The following ARIH1 variants were observed in gnomAD, a reference collection of about 807,000 sequenced individuals.
The protein encoded by ARIH1 is ariadne RBR E3 ubiquitin protein ligase 1.
A neutral mutation model predicts 85.0 loss-of-function variants in ARIH1; 8 were observed. The observed-to-expected ratio is 0.09, with a 90% confidence interval of 0.06 to 0.17. The LOEUF (loss-of-function observed/expected upper bound fraction) is 0.17. ARIH1 is among the 10% of genes least tolerant of loss of function. The probability of loss-of-function intolerance (pLI) is 1.00; values close to 1 mark genes in which losing one functional copy is unlikely to be tolerated. For synonymous variants in ARIH1, 238 were observed against 253.6 expected, an observed-to-expected ratio of 0.94 and a Z score of 0.59; for missense variants, 311 against 718.1, an observed-to-expected ratio of 0.43 and a Z score of 6.48.
rs538219548 is a variant in ARIH1, at chr15:72,525,927, C to T, written c.443+7793C>T. On this transcript the variant is annotated intron_variant, in intron 2 of 13. Coordinates refer to ENST00000379887, the MANE Select transcript of ARIH1 (RefSeq NM_005744.5). ...AAGTGCTGGGATTGCAAGCGTGAGCCACCACGTTCAATCTCCACATTTTTT... is the reference window on the plus strand; with the variant it reads ...AAGTGCTGGGATTGCAAGCGTGAGCTACCACGTTCAATCTCCACATTTTTT... Among the ~76,000 whole-genome samples, 183 of 152,182 alleles carry T rather than the reference C, an allele frequency of 1.2e-3. 1 individual carries two copies. Among genetic ancestry groups the T allele is most frequent in the African/African-American group, 4.2e-3 (173 of 41,508 alleles).
intron 10 of ARIH1, 67 bp from the exon 11 acceptor site, chr15:72,572,041 T>C (rs923503679): frequency 1.3e-5 from 15 of 1,178,612 alleles, no homozygotes; most frequent in Non-Finnish European, 1.8e-5. Context: ...GTTAAAATTC[T>C]GATTTTTTTT....
intron 1 of ARIH1, among the ~76,000 whole-genome samples, chr15:72,517,027 A>G (rs117044279): frequency 0.041 from 6,286 of 152,288 alleles, 224 homozygotes; most frequent in Non-Finnish European, 0.061. Context: ...TTTGTGCACA[A>G]ATAGTGAGCT....
rs373884285 is a variant in ARIH1 at position 72,532,411 on chromosome 15, A to G, written c.444-12409A>G. 4.5e-3 allele frequency among the ~76,000 whole-genome samples: 687 copies of G among 152,300 alleles called. 3 individuals carry two copies. Among genetic ancestry groups the G allele is most frequent in the Non-Finnish European group, 7.1e-3 (486 of 68,016 alleles). On this transcript the variant is annotated intron_variant, in intron 2 of 13. Coordinates refer to ENST00000379887, the MANE Select transcript of ARIH1 (RefSeq NM_005744.5). Reference sequence around the variant, plus strand: ...TAGTAAACCTGTATCCTTATTAAGTATAAAGAAATGAAATCCATAATTTAA... The same window carrying G: ...TAGTAAACCTGTATCCTTATTAAGTGTAAAGAAATGAAATCCATAATTTAA...
intron 2 of ARIH1, among the ~76,000 whole-genome samples, chr15:72,524,071 T>TG (rs2064014423): frequency 6.7e-6 from 1 of 149,378 alleles, no homozygotes; most frequent in Admixed American, 6.7e-5. Context: ...CTCAGCCTCC[T>TG]GAGTAGCTGG....
At chr15:72,486,409 C>A (rs544951059) in intron 1 of ARIH1, among the ~76,000 whole-genome samples, 16 of 152,246 alleles carry the variant, frequency 1.1e-4, no homozygotes, top group Admixed American at 4.6e-4. Flanking sequence ...GGTCACTTCA[C>A]TGTTACCAGA....
rs1288605337 is a variant in ARIH1 at position 72,590,165 on chromosome 15, GCT to G, written c.*6877_*6878del. On this transcript the variant is annotated 3_prime_UTR_variant, in exon 14 of 14. Transcript: ENST00000379887. ...CAAAAGGTCTGTTGGTTTGTCTGAA[GCT>G]CTCAACCTTGATTCTGCATAGACTC... 1.3e-5 allele frequency: 2 copies of G among 152,214 alleles called. No individual in the cohort carries two copies. Among genetic ancestry groups the G allele is most frequent in the Non-Finnish European group, 2.9e-5 (2 of 68,084 alleles). 9.4% of individuals were successfully genotyped at this position (152,214 alleles called of 1,614,324 possible).
intron 11 of ARIH1, among the ~76,000 whole-genome samples, chr15:72,573,548 C>CTAAA (rs563388781): frequency 7.9e-4 from 119 of 151,578 alleles, no homozygotes; most frequent in South Asian, 1.7e-3. Context: ...GACTCTGTCG[C>CTAAA]TAAATAAATA....
rs182856355 is a variant in ARIH1, at chr15:72,590,997, G to T, written c.*7705G>T. The T allele has an allele frequency of 1.3e-5, 2 of 152,218 alleles. No individual in the cohort carries two copies. The highest frequency in any genetic ancestry group is 3.9e-4 in the East Asian group (2 of 5,186). 9.4% of individuals were successfully genotyped at this position (152,218 alleles called of 1,614,324 possible). ...CCAGCACTTTAGGAGGCTGAGGCAG[G>T]TGGATCACGAGGTCGGGAGTTCGAG... On this transcript the variant is annotated 3_prime_UTR_variant, in exon 14 of 14. Coordinates refer to ENST00000379887, the MANE Select transcript of ARIH1 (RefSeq NM_005744.5).
At chr15:72,512,699 A>T (rs568127552) in intron 1 of ARIH1, among the ~76,000 whole-genome samples, 1 of 150,562 alleles carries the variant, frequency 6.6e-6, no homozygotes, top group Non-Finnish European at 1.5e-5. Flanking sequence ...CACAACTTTG[A>T]TATGTTGTAT....
At chr15:72,505,205 A>G (rs2140403645) in intron 1 of ARIH1, among the ~76,000 whole-genome samples, 1 of 152,344 alleles carries the variant, frequency 6.6e-6, no homozygotes, top group African/African-American at 2.4e-5. Context: ...CATTTCTCAC[A>G]AACTCAGGTG....
intron 11 of ARIH1, among the ~76,000 whole-genome samples, chr15:72,580,381 G>A (rs753866665): frequency 1.3e-5 from 2 of 152,152 alleles, no homozygotes; most frequent in African/African-American, 2.4e-5. Context: ...GAATAATGCT[G>A]TAGTGAATGT....
At chr15:72,522,411 C>T (rs1472932986) in intron 2 of ARIH1, among the ~76,000 whole-genome samples, 7 of 152,034 alleles carry the variant, frequency 4.6e-5, no homozygotes, top group East Asian at 1.9e-4. Flanking sequence ...CTATGCAGGA[C>T]GTGGAAGCTG....
rs1218744340 is a variant in ARIH1, at chr15:72,594,759, G to T, written c.*11467G>T. The T allele has an allele frequency of 1.4e-5, 2 of 145,984 alleles. No homozygotes were observed. The highest frequency in any genetic ancestry group is 4.1e-4 in the East Asian group (2 of 4,924). The allele number at this position is 145,984 out of a possible 1,614,324, so 9.0% of individuals were successfully genotyped here. A position where few individuals can be genotyped will look rare whatever the true frequency, so the allele number is the denominator to read the frequency against. ...TTATATTAAATAGATACACAACAGT[G>T]TAGTCTGCAAATAATGTTTTTACTT... On this transcript the variant is annotated 3_prime_UTR_variant, in exon 14 of 14. Transcript: ENST00000379887.
intron 2 of ARIH1, among the ~76,000 whole-genome samples, chr15:72,526,771 A>T (rs977197535): frequency 6.6e-6 from 1 of 152,090 alleles, no homozygotes; most frequent in Non-Finnish European, 1.5e-5. Flanking sequence ...CTGGTGGAGA[A>T]AGGACACCTT....
At position 72,555,817 on chromosome 15, in the gene ARIH1, T is replaced by C. The variant is rs193267763; in HGVS notation, c.682-35T>C. The C allele has an allele frequency of 4.9e-5, 78 of 1,585,920 alleles. No homozygotes were observed. In the African/African-American group the frequency reaches 1.0e-3, roughly 21 times the overall value. On this transcript the variant is annotated intron_variant, in intron 4 of 13. Transcript: ENST00000379887. Reference sequence around the variant, plus strand: ...TGGTAAGCATTCATTAAATATTTGTTGAATGAAGACAGTTTAAATTTCAAT... The same window carrying C: ...TGGTAAGCATTCATTAAATATTTGTCGAATGAAGACAGTTTAAATTTCAAT...
Position 72,600,873 on chromosome 15 carries a change from A to G in ARIH1, c.*17581A>G, listed in dbSNP as rs1874357641. 1 of 152,224 alleles carries G rather than the reference A, an allele frequency of 6.6e-6. No individual in the cohort carries two copies. The highest frequency in any genetic ancestry group is 6.5e-5 in the Admixed American group (1 of 15,280). The allele number at this position is 152,224 out of a possible 1,614,324, so 9.4% of individuals were successfully genotyped here. A position where few individuals can be genotyped will look rare whatever the true frequency, so the allele number is the denominator to read the frequency against. ...TTGAAACATTATAGCAATGGCTTCT[A>G]GTTATTGAATAAAGAATGTCATTTG... is the stretch of plus-strand genomic sequence containing the variant. On this transcript the variant is annotated 3_prime_UTR_variant, in exon 14 of 14. Coordinates refer to ENST00000379887, the MANE Select transcript of ARIH1 (RefSeq NM_005744.5).
intron 2 of ARIH1, among the ~76,000 whole-genome samples, chr15:72,540,126 C>T (rs1013027419): frequency 5.3e-5 from 8 of 151,798 alleles, no homozygotes; most frequent in South Asian, 4.2e-4. Context: ...GGCGTGGTGG[C>T]AGGCGCCTGT....
chr15:72,484,431 C>T (rs2140392512), intron 1 of ARIH1, among the ~76,000 whole-genome samples: 1 of 151,474 alleles, frequency 6.6e-6, no homozygotes, highest in South Asian at 2.1e-4. Flanking sequence ...CACCTTTTTC[C>T]CCCGAGTCCC....
rs150165121 is a variant in ARIH1, at chr15:72,519,475, G to GTTT, written c.443+1364_443+1366dup. On this transcript the variant is annotated intron_variant, in intron 2 of 13. Transcript: ENST00000379887. The stretch of plus-strand genomic sequence containing the variant: ...TATGCATTCTGACCATGTTTTTTTT[G>GTTT]TTTTTTTTTTTTTTTTTTTTTTTTT... 1.5e-3 allele frequency among the ~76,000 whole-genome samples: 95 copies of GTTT among 62,566 alleles called. 1 individual carries two copies. The highest frequency in any genetic ancestry group is 5.3e-3 in the African/African-American group (82 of 15,410). 41.0% of individuals were successfully genotyped at this position (62,566 alleles called of 152,430 possible). A position where few individuals can be genotyped will look rare whatever the true frequency, so the allele number is the denominator to read the frequency against.
Sources: gnomAD v4.1 joint callset for allele counts (sites outside exome capture counted in the v4.1 genomes callset) on GRCh38, gnomAD v4.1.1 for gene constraint, MANE v1.5 for transcripts, NCBI Gene and HGNC (gene_info 2026-07-23, HGNC 2026-07-21) for gene names.